Variants in GALK1 observed in about 807,000 individuals in gnomAD.
The protein encoded by GALK1 is galactokinase 1.
A neutral mutation model predicts 38.6 loss-of-function variants in GALK1; 30 were observed. The ratio of observed to expected loss-of-function variants is 0.78; its 90% CI spans 0.58 to 1.05. The LOEUF is 1.05. Ranked by LOEUF, GALK1 falls within the 50% of genes least tolerant of loss-of-function variation. The probability of loss-of-function intolerance (pLI) is 0.00; values close to 1 mark genes in which losing one functional copy is unlikely to be tolerated. For synonymous variants in GALK1, 240 were observed against 233.6 expected, an observed-to-expected ratio of 1.03 and a Z score of -0.25; for missense variants, 512 against 540.5, an observed-to-expected ratio of 0.95 and a Z score of 0.52.
At chr17:75,754,638 A>G, downstream of GALK1, 2 of 1,613,986 alleles carry the variant, frequency 1.2e-6, no homozygotes, top group South Asian at 2.2e-5. Flanking sequence ...CCTGCACAGG[A>G]TGACCACGAC....
Position 75,763,915 on chromosome 17 carries a change from C to A in GALK1, c.337G>T (p.Val113Leu). ...CCCATACCTGGGTAGTACTGAATCACTCCCTTGACATAGTTGGCCCACCGA... is the reference window on the plus strand; with the variant it reads ...CCCATACCTGGGTAGTACTGAATCAATCCCTTGACATAGTTGGCCCACCGA... ...TPRWANYVKG[V>L]IQYYPAAPLP... Residue 113 changes from valine (V) to leucine (L), a missense_variant, in exon 2 of 8, where the codon GTG becomes TTG. By Grantham distance (32) the Val-to-Leu change is conservative. Coordinates refer to ENST00000588479, the MANE Select transcript of GALK1 (RefSeq NM_000154.2). The A allele has an allele frequency of 6.2e-7, 1 of 1,613,924 alleles. No homozygotes were observed.
intron 2 of GALK1, 149 bp downstream of exon 2, chr17:75,763,748 C>T: frequency 2.2e-6 from 2 of 890,674 alleles, no homozygotes; most frequent in South Asian, 2.9e-5. Flanking sequence ...TCCCGACCTT[C>T]TGGGGGCATC....
Position 75,757,962 on chromosome 17 carries a change from T to C in GALK1, c.*94A>G. On this transcript the variant is annotated 3_prime_UTR_variant, in exon 8 of 8. Coordinates refer to ENST00000588479, the MANE Select transcript of GALK1 (RefSeq NM_000154.2). ...TACCACATTGGAGGCACAAGTTTAT[T>C]GAGCACCCGGATATGGAAGATGGCA... 1.4e-6 allele frequency: 2 copies of C among 1,415,096 alleles called. No individual in the cohort carries two copies. The highest frequency in any genetic ancestry group is 2.0e-6 in the Non-Finnish European group (2 of 1,017,184). The allele number at this position is 1,415,096 out of a possible 1,614,324, so 87.7% of individuals were successfully genotyped here.
At chr17:75,757,007 C>T, downstream of GALK1, 1 of 1,612,378 alleles carries the variant, frequency 6.2e-7, no homozygotes, top group Non-Finnish European at 8.5e-7. Flanking sequence ...TGCCGGGCCT[C>T]AGCGAGAACG....
downstream of GALK1, chr17:75,753,743 G>A: frequency 7.2e-7 from 1 of 1,395,454 alleles, no homozygotes; most frequent in African/African-American, 1.5e-5. Context: ...CGGTGCCAAC[G>A]CGGCCCTTCG....
chr17:75,760,269 T>C (rs1351394761), intron 5 of GALK1, among the ~76,000 whole-genome samples: 1 of 151,966 alleles, frequency 6.6e-6, no homozygotes, highest in Non-Finnish European at 1.5e-5. Flanking sequence ...AATTTTTGTA[T>C]TTCTTTAGAG....
At chr17:75,764,653 C>T in intron 1 of GALK1, 1 of 510,346 alleles carries the variant, frequency 2.0e-6, no homozygotes, top group South Asian at 1.9e-5. Flanking sequence ...CGGAGTGTCC[C>T]CTTCTGCGTG....
downstream of GALK1, chr17:75,754,506 GGC>G (rs2061440527): frequency 6.2e-7 from 1 of 1,603,446 alleles, no homozygotes. Context: ...GAATGTGCAG[GGC>G]CCAGCCTGCC....
chr17:75,755,262 G>A, downstream of GALK1: 4 of 1,571,016 alleles, frequency 2.5e-6, no homozygotes, highest in Non-Finnish European at 3.5e-6. Flanking sequence ...TGCTCCATCT[G>A]TCATCCAGCC....
downstream of GALK1, chr17:75,755,919 G>A (rs2061488964): frequency 6.5e-7 from 1 of 1,548,772 alleles, no homozygotes; most frequent in Admixed American, 1.8e-5. Flanking sequence ...TGACACATAG[G>A]GTACCTCAGC....
At chr17:75,755,852 TG>T, downstream of GALK1, 1 of 1,602,002 alleles carries the variant, frequency 6.2e-7, no homozygotes, top group East Asian at 2.2e-5. Flanking sequence ...TGAACGGCGG[TG>T]AGGCATGGTG....
At chr17:75,758,394 G>A (rs2143587029) in intron 6 of GALK1, 22 bp from the exon 7 acceptor site, 2 of 1,581,810 alleles carry the variant, frequency 1.3e-6, no homozygotes, top group South Asian at 1.1e-5. Flanking sequence ...ATATTGAAGG[G>A]GTGGGCCTGG....
intron 5 of GALK1, among the ~76,000 whole-genome samples, chr17:75,760,648 C>A (rs553537676): frequency 6.6e-6 from 1 of 151,806 alleles, no homozygotes; most frequent in Non-Finnish European, 1.5e-5. Context: ...TGGTGGCACA[C>A]GCCTGTAGTC....
intron 2 of GALK1, 137 bp from the exon 3 acceptor site, chr17:75,763,576 C>T: frequency 2.9e-6 from 3 of 1,021,004 alleles, no homozygotes; most frequent in Non-Finnish European, 4.4e-6. Flanking sequence ...TCAGAAGCCA[C>T]CAACCTGCTG....
At position 75,763,105 on chromosome 17, in the gene GALK1, C is replaced by T. The variant is rs1363497653; in HGVS notation, c.520G>A (p.Glu174Lys). The T allele has an allele frequency of 1.1e-5, 17 of 1,612,280 alleles. No individual in the cohort carries two copies. The highest frequency in any genetic ancestry group is 1.3e-5 in the African/African-American group (1 of 74,908). ...CAGGGCATCCCTGCGAAGCTGTGCT[C>T]GGCCTGCTGACACACCTGGGCGCGG... is the stretch of plus-strand genomic sequence containing the variant. ...AARAQVCQQA[E>K]HSFAGMPCGI... is the part of the protein sequence containing the mutation. The change falls in exon 4 of 8, where the codon GAG becomes AAG. Residue 174 changes from glutamate (E) to lysine (K), a missense_variant. By Grantham distance (56) the Glu-to-Lys change is moderately conservative (BLOSUM62 1). Transcript: ENST00000588479.
chr17:75,755,222 G>A, downstream of GALK1: 2 of 1,598,380 alleles, frequency 1.3e-6, no homozygotes, highest in Admixed American at 1.7e-5. Flanking sequence ...AGGTAGTACA[G>A]GGGTGGCCAT....
downstream of GALK1, chr17:75,754,808 C>T (rs1343916826): frequency 2.5e-6 from 4 of 1,614,092 alleles, no homozygotes; most frequent in South Asian, 4.4e-5. Flanking sequence ...CCTCCGTCTC[C>T]TCCCACGGTG....
chr17:75,757,675 G>T, downstream of GALK1: 1 of 1,388,458 alleles, frequency 7.2e-7, no homozygotes, highest in East Asian at 2.3e-5. Flanking sequence ...CATGCACAGA[G>T]CAGGGGCTAG....
At chr17:75,752,352 G>A (rs1452746313) in intron 8 of GALK1, 4 of 1,612,662 alleles carry the variant, frequency 2.5e-6, no homozygotes, top group East Asian at 4.5e-5. Flanking sequence ...AGAGGCCCAT[G>A]TCCAGTGAGT....
Sources: gnomAD v4.1 joint callset for allele counts (sites outside exome capture counted in the v4.1 genomes callset) on GRCh38, gnomAD v4.1.1 for gene constraint, MANE v1.5 for transcripts, NCBI Gene and HGNC (gene_info 2026-07-23, HGNC 2026-07-21) for gene names.